CTBP2: variants seen among roughly 807,000 people sequenced by gnomAD.
CTBP2 encodes the protein C-terminal-binding protein 2.
In CTBP2, 30 loss-of-function variants were observed where a neutral mutation model predicts 80.3. The ratio of observed to expected loss-of-function variants is 0.37; its 90% CI spans 0.28 to 0.51. CTBP2 has a LOEUF of 0.51. Among genes scored for constraint, CTBP2 ranks in the 20% least tolerant of loss-of-function variants. The probability of loss-of-function intolerance (pLI) is 0.93; values close to 1 mark genes in which losing one functional copy is unlikely to be tolerated. For missense variants in CTBP2, 1,212 were observed against 1,375.3 expected (o/e 0.88, Z 1.88); for synonymous variants, 594 against 587.4 (o/e 1.01, Z -0.16).
intron 1 of CTBP2, among the ~76,000 whole-genome samples, chr10:125,011,013 G>T (rs1955830039): frequency 6.6e-6 from 1 of 152,170 alleles, no homozygotes; most frequent in Non-Finnish European, 1.5e-5. Context: ...AGGGTTTATG[G>T]CAAAGGTTTC....
intron 1 of CTBP2, among the ~76,000 whole-genome samples, chr10:125,136,524 C>T (rs1856997465): frequency 1.3e-5 from 2 of 152,214 alleles, no homozygotes; most frequent in African/African-American, 4.8e-5. Flanking sequence ...GAAAGGCCCT[C>T]CTCTTTTGTG....
chr10:124,991,683 AGGGATGCCG>A (rs1249811033), intron 8 of CTBP2, among the ~76,000 whole-genome samples: 1 of 152,166 alleles, frequency 6.6e-6, no homozygotes, highest in African/African-American at 2.4e-5. Flanking sequence ...GGTAGAGGCC[AGGGATGCCG>A]CTGAACGTCC....
chr10:125,039,542 C>T (rs1385840198), intron 2 of CTBP2, among the ~76,000 whole-genome samples: 6 of 152,254 alleles, frequency 3.9e-5, no homozygotes, highest in Non-Finnish European at 8.8e-5. Flanking sequence ...CGCACTCACA[C>T]TGAGATGCAG....
chr10:125,155,989 T>C (rs568257215), intron 1 of CTBP2, among the ~76,000 whole-genome samples: 4 of 152,300 alleles, frequency 2.6e-5, no homozygotes, highest in Admixed American at 6.5e-5. Context: ...TAGCAATTCA[T>C]AGAAAGATTG....
intron 2 of CTBP2, among the ~76,000 whole-genome samples, chr10:125,040,884 A>G (rs1194556156): frequency 6.6e-6 from 1 of 152,244 alleles, no homozygotes; most frequent in Non-Finnish European, 1.5e-5. Flanking sequence ...AGAGCTACGA[A>G]AAAGCACAAT....
chr10:125,039,018 G>T, exon 3 of CTBP2: 4 of 1,613,182 alleles, frequency 2.5e-6, no homozygotes, highest in Non-Finnish European at 3.4e-6. Flanking sequence ...CTGTCCAATC[G>T]CTGTCTCTTG....
At chr10:125,014,236 C>T (rs1956241080) in intron 1 of CTBP2, among the ~76,000 whole-genome samples, 1 of 152,214 alleles carries the variant, frequency 6.6e-6, no homozygotes, top group South Asian at 2.1e-4. Context: ...AGCAGGCATT[C>T]ATGGCCCCGG....
intron 2 of CTBP2, chr10:125,100,540 TAATTTAATTTTTAAACAAAA>T (rs1850454236): frequency 6.6e-6 from 1 of 152,240 alleles, no homozygotes; most frequent in East Asian, 1.9e-4. Context: ...AAAAATTTTT[TAATTTAATTTTTAAACAAAA>T]ATAAAAGAAG....
At position 125,150,098 on chromosome 10, in the gene CTBP2, C is replaced by T. The variant is rs971198133; in HGVS notation, c.-206+10221G>A. 2.0e-5 allele frequency among the ~76,000 whole-genome samples: 3 copies of T among 152,204 alleles called. No homozygotes were observed. The East Asian group carries it at 5.8e-4, about 29-fold the overall frequency. Reference sequence around the variant, plus strand: ...TCCCTGTCTCTTGACCCCCAACTCCCCAACGTGGAACCCACAAACCAGATC... The same window carrying T: ...TCCCTGTCTCTTGACCCCCAACTCCTCAACGTGGAACCCACAAACCAGATC... On this transcript the variant is annotated intron_variant, in intron 1 of 10. Transcript: ENST00000337195.
intron 1 of CTBP2, among the ~76,000 whole-genome samples, chr10:125,124,037 C>T (rs1854794082): frequency 6.6e-6 from 1 of 152,230 alleles, no homozygotes; most frequent in Admixed American, 6.5e-5. Context: ...CTGGAACAGG[C>T]CAAGACTGTC....
At chr10:125,121,938 G>A (rs1402447639) in intron 1 of CTBP2, among the ~76,000 whole-genome samples, 1 of 152,180 alleles carries the variant, frequency 6.6e-6, no homozygotes, top group Non-Finnish European at 1.5e-5. Context: ...CTCTTACCAG[G>A]GGAATCTGGG....
intron 3 of CTBP2, chr10:124,998,651 G>GT (rs1182436742): frequency 5.5e-6 from 1 of 182,166 alleles, no homozygotes; most frequent in Non-Finnish European, 1.2e-5. Flanking sequence ...AAAAACATAC[G>GT]TTTTAAACAT....
At chr10:125,103,072 T>C (rs1341352075) in intron 2 of CTBP2, among the ~76,000 whole-genome samples, 3 of 152,088 alleles carry the variant, frequency 2.0e-5, no homozygotes, top group Non-Finnish European at 4.4e-5. Flanking sequence ...TTCCCTGCGG[T>C]GGAAAGCTCA....
chr10:125,108,350 G>A (rs955433082), intron 2 of CTBP2, among the ~76,000 whole-genome samples: 1 of 152,226 alleles, frequency 6.6e-6, no homozygotes, highest in African/African-American at 2.4e-5. Context: ...GGGCAAAAAC[G>A]ATGTATAAAT....
chr10:125,135,031 G>A (rs367669854), intron 1 of CTBP2, among the ~76,000 whole-genome samples: 3 of 152,158 alleles, frequency 2.0e-5, no homozygotes, highest in African/African-American at 7.2e-5. Context: ...ATAGGCAGCG[G>A]CAAGGCTACA....
rs1214156621 is a variant in CTBP2, at chr10:124,985,291, C to T, written c.*4227G>A. Reference sequence around the variant, plus strand: ...ATGTAACGCATGTGGTTGTGTAAGACATTGTTTAATAGGAAAAGTTGTACC... The same window carrying T: ...ATGTAACGCATGTGGTTGTGTAAGATATTGTTTAATAGGAAAAGTTGTACC... On this transcript the variant is annotated 3_prime_UTR_variant, in exon 9 of 9. Coordinates refer to ENST00000309035, the MANE Select transcript of CTBP2 (RefSeq NM_022802.3). 3.9e-6 allele frequency: 1 copy of T among 254,016 alleles called. No individual in the cohort carries two copies. Among genetic ancestry groups the T allele is most frequent in the Non-Finnish European group, 7.5e-6 (1 of 134,002 alleles). 15.7% of individuals were successfully genotyped at this position (254,016 alleles called of 1,614,324 possible).
chr10:124,994,294 C>G (rs1953149062), intron 5 of CTBP2, among the ~76,000 whole-genome samples, 175 bp downstream of exon 7: 1 of 152,252 alleles, frequency 6.6e-6, no homozygotes, highest in African/African-American at 2.4e-5. Context: ...CTTAGCCTGG[C>G]TCAGCCCGAG....
At chr10:125,161,021 G>A (rs1861838382), upstream of CTBP2, 1 of 151,022 alleles carries the variant, frequency 6.6e-6, no homozygotes, top group African/African-American at 2.4e-5. Context: ...AGCTAGGCGG[G>A]AGGCGAGGTG....
intron 2 of CTBP2, among the ~76,000 whole-genome samples, chr10:125,079,607 G>A (rs530686347): frequency 6.6e-6 from 1 of 152,280 alleles, no homozygotes; most frequent in South Asian, 2.1e-4. Flanking sequence ...ACAGAAGGGT[G>A]GGCCGAGCAC....
Sources: allele counts gnomAD v4.1 joint callset (sites outside exome capture counted in the v4.1 genomes callset), GRCh38; gene constraint gnomAD v4.1.1; transcripts MANE v1.5; gene names NCBI Gene and HGNC (gene_info 2026-07-23, HGNC 2026-07-21).